GSTCD: variants seen among roughly 807,000 people sequenced by gnomAD.
GSTCD encodes the protein glutathione S-transferase C-terminal domain containing.
GSTCD carries 44 observed loss-of-function variants against 68.3 expected under a neutral mutation model. The ratio of observed to expected loss-of-function variants is 0.64; its 90% CI spans 0.51 to 0.83. The LOEUF is 0.83. Ranked by LOEUF, GSTCD falls within the 40% of genes least tolerant of loss-of-function variation. The pLI, the probability that GSTCD is intolerant of heterozygous loss-of-function variation, is 0.00. For missense variants in GSTCD, 739 were observed against 735.9 expected, an observed-to-expected ratio of 1.00 and a Z score of -0.05; for synonymous variants, 273 against 255.2, an observed-to-expected ratio of 1.07 and a Z score of -0.67.
rs573446900 is a variant in GSTCD, at chr4:105,768,420, G to A, written c.1240+38921G>A. Among the ~76,000 whole-genome samples the A allele has an allele frequency of 8.5e-5, 13 of 152,182 alleles. No individual in the cohort carries two copies. The South Asian group carries it at 1.2e-3, about 15-fold the overall frequency. On this transcript the variant is annotated intron_variant, in intron 5 of 11. Transcript: ENST00000515279. ...TTGTTTTGAAAATTAGTTCTTAGCA[G>A]TCTATAGGTTTAAAAATTTTCCTTT...
intron 5 of GSTCD, among the ~76,000 whole-genome samples, chr4:105,758,995 A>G (rs1048352684): frequency 2.0e-5 from 3 of 152,220 alleles, no homozygotes; most frequent in African/African-American, 7.2e-5. Context: ...AACAAAATGA[A>G]TATATTAATC....
chr4:105,827,014 C>T (rs528400913), intron 8 of GSTCD: 15 of 152,220 alleles, frequency 9.9e-5, no homozygotes, highest in Admixed American at 2.6e-4. Context: ...TTTGCAGACA[C>T]GATCTACAGT....
At chr4:105,761,283 C>G (rs1560816252) in intron 5 of GSTCD, 1 of 165,106 alleles carries the variant, frequency 6.1e-6, no homozygotes, top group East Asian at 1.9e-4. Flanking sequence ...GGATTATAGG[C>G]TTCAGCCACC....
rs780577170 is a variant in GSTCD, at chr4:105,837,906, C to G, written c.1695+17C>G. The G allele has an allele frequency of 1.8e-5, 18 of 1,015,842 alleles. No individual in the cohort carries two copies. The highest frequency in any genetic ancestry group is 2.5e-5 in the Non-Finnish European group (17 of 687,698). The allele number at this position is 1,015,842 out of a possible 1,614,324, so 62.9% of individuals were successfully genotyped here. ...TCATACAAGGTAACCTTAAAAAGAT[C>G]TAGATATCATCCTAATACACTTTTT... On this transcript the variant is annotated intron_variant, in intron 10 of 11. Coordinates refer to ENST00000515279, the MANE Select transcript of GSTCD (RefSeq NM_001370181.1).
intron 10 of GSTCD, chr4:105,840,273 T>G (rs920037594): frequency 1.1e-5 from 5 of 437,456 alleles, no homozygotes; most frequent in Non-Finnish European, 2.3e-5. Flanking sequence ...GTGCACACTG[T>G]TTCTTCAAAT....
At chr4:105,784,947 G>A (rs536893472) in intron 5 of GSTCD, among the ~76,000 whole-genome samples, 37 of 152,098 alleles carry the variant, frequency 2.4e-4, no homozygotes, top group Admixed American at 1.0e-3. Context: ...CTGACCTAGC[G>A]CTGAAAGTAG....
At chr4:105,776,173 G>A (rs1018242378) in intron 5 of GSTCD, among the ~76,000 whole-genome samples, 2 of 152,152 alleles carry the variant, frequency 1.3e-5, no homozygotes, top group Non-Finnish European at 2.9e-5. Flanking sequence ...TCAAGCCTCG[G>A]TAATGGCAGA....
intron 3 of GSTCD, among the ~76,000 whole-genome samples, chr4:105,721,587 T>C (rs1050764329): frequency 6.6e-6 from 1 of 152,150 alleles, no homozygotes; most frequent in Non-Finnish European, 1.5e-5. Context: ...TACCCAGTTC[T>C]GCTAAACAGA....
intron 7 of GSTCD, 57 bp downstream of exon 7, chr4:105,823,332 C>T (rs895690936): frequency 6.4e-7 from 1 of 1,557,752 alleles, no homozygotes; most frequent in African/African-American, 1.4e-5. Flanking sequence ...GTTCAGCTAG[C>T]CAAATTTGGT....
At position 105,710,570 on chromosome 4, in the gene GSTCD, T is replaced by A. The variant is rs551892052; in HGVS notation, c.-22+1554T>A. Reference sequence around the variant, plus strand: ...AACTTGTTTTACTTGTAGCTTTTGTTTCATCATCTGTGATTTTTAAATAAA... The same window carrying A: ...AACTTGTTTTACTTGTAGCTTTTGTATCATCATCTGTGATTTTTAAATAAA... On this transcript the variant is annotated intron_variant, in intron 1 of 11. Coordinates refer to ENST00000515279, the MANE Select transcript of GSTCD (RefSeq NM_001370181.1). Among the ~76,000 whole-genome samples the A allele has an allele frequency of 1.1e-4, 16 of 152,156 alleles. No homozygotes were observed. In the South Asian group the frequency reaches 3.3e-3, roughly 32 times the overall value.
chr4:105,779,024 C>A (rs1011074962), intron 5 of GSTCD, among the ~76,000 whole-genome samples: 1 of 152,122 alleles, frequency 6.6e-6, no homozygotes, highest in African/African-American at 2.4e-5. Flanking sequence ...AGGATATTTT[C>A]TTAAATAACC....
intron 1 of GSTCD, among the ~76,000 whole-genome samples, chr4:105,713,064 AAAC>A (rs1273314991): frequency 6.6e-6 from 1 of 152,226 alleles, no homozygotes; most frequent in Non-Finnish European, 1.5e-5. Context: ...GCATTTAAAA[AAAC>A]AAGCACAGAG....
At chr4:105,833,336 T>C (rs1723977813) in intron 8 of GSTCD, among the ~76,000 whole-genome samples, 1 of 151,924 alleles carries the variant, frequency 6.6e-6, no homozygotes, top group Admixed American at 6.6e-5. Context: ...TGGTGGCACA[T>C]GCTGTAATCC....
At chr4:105,727,907 A>G (rs1386595245) in intron 4 of GSTCD, among the ~76,000 whole-genome samples, 1 of 152,216 alleles carries the variant, frequency 6.6e-6, no homozygotes, top group Non-Finnish European at 1.5e-5. Context: ...CTGGAAAAAT[A>G]TTCATTATAT....
intron 5 of GSTCD, among the ~76,000 whole-genome samples, chr4:105,749,563 A>T (rs935534755): frequency 6.6e-6 from 1 of 151,734 alleles, no homozygotes; most frequent in Non-Finnish European, 1.5e-5. Context: ...TGGAAGAAGG[A>T]TAGTCTTTTC....
At chr4:105,799,531 T>A (rs1328432596) in intron 5 of GSTCD, among the ~76,000 whole-genome samples, 2 of 152,100 alleles carry the variant, frequency 1.3e-5, no homozygotes, top group African/African-American at 4.8e-5. Context: ...GAAATAGGGA[T>A]GCCCAAGGAG....
At chr4:105,818,850 C>A (rs1354909834) in intron 5 of GSTCD, among the ~76,000 whole-genome samples, 1 of 151,592 alleles carries the variant, frequency 6.6e-6, no homozygotes, top group African/African-American at 2.4e-5. Flanking sequence ...TCAATTGATT[C>A]CATTTTATTT....
intron 9 of GSTCD, among the ~76,000 whole-genome samples, chr4:105,836,610 CA>C (rs1470230656): frequency 2.6e-5 from 4 of 151,980 alleles, no homozygotes; most frequent in African/African-American, 9.7e-5. Flanking sequence ...CGTCAGTGCC[CA>C]AAGTCCAGAG....
intron 5 of GSTCD, among the ~76,000 whole-genome samples, chr4:105,764,113 C>T (rs1734517561): frequency 1.3e-5 from 2 of 152,058 alleles, no homozygotes; most frequent in African/African-American, 4.8e-5. Flanking sequence ...AAAAGTTTAA[C>T]AGTGTACCTC....
Sources: allele counts gnomAD v4.1 joint callset (sites outside exome capture counted in the v4.1 genomes callset), GRCh38; gene constraint gnomAD v4.1.1; transcripts MANE v1.5; gene names NCBI Gene and HGNC (gene_info 2026-07-23, HGNC 2026-07-21).